Variants in UAP1 observed in about 807,000 individuals in gnomAD.
The protein encoded by UAP1 is UDP-N-acetylglucosamine pyrophosphorylase 1, also known as UDP-N-acetylhexosamine pyrophosphorylase.
Under a neutral mutation model 58.5 loss-of-function variants are expected in UAP1, and 25 were observed. That is an observed-to-expected ratio of 0.43 (90% CI 0.31 to 0.60). The LOEUF is 0.60. UAP1 is among the 20% of genes least tolerant of loss of function. UAP1 has a pLI of 0.11. For missense variants in UAP1, 575 were observed against 630.0 expected, an observed-to-expected ratio of 0.91 and a Z score of 0.93; for synonymous variants, 208 against 213.0, an observed-to-expected ratio of 0.98 and a Z score of 0.21.
chr1:162,587,565 C>G, exon 6 of UAP1: 1 of 1,614,162 alleles, frequency 6.2e-7, no homozygotes, highest in Non-Finnish European at 8.5e-7. Context: ...TGAGATTTCC[C>G]TGGCAACAGC....
At chr1:162,579,448 G>A in exon 4 of UAP1, 1 of 1,587,736 alleles carries the variant, frequency 6.3e-7, no homozygotes, top group Non-Finnish European at 8.6e-7. Flanking sequence ...ACCAGTGGCA[G>A]AACAATGGAA....
chr1:162,587,568 G>T, exon 6 of UAP1: 2 of 1,614,112 alleles, frequency 1.2e-6, no homozygotes, highest in Non-Finnish European at 1.7e-6. Flanking sequence ...GATTTCCCTG[G>T]CAACAGCTCA....
At chr1:162,598,466 T>G (rs1329118895) in intron 10 of UAP1, among the ~76,000 whole-genome samples, 1 of 152,218 alleles carries the variant, frequency 6.6e-6, no homozygotes, top group Non-Finnish European at 1.5e-5. Context: ...CTAGTCCATT[T>G]CACCTACTCA....
Position 162,582,987 on chromosome 1 carries a change from T to G in UAP1, c.834+1528T>G, listed in dbSNP as rs201510252. On this transcript the variant is annotated intron_variant, in intron 5 of 10. Transcript: ENST00000271469. ...TCTGTGAGTATCTGAACTGTATTTT[T>G]TTTTTTTTTAGCCACAGACTCACTA... 2.0e-3 allele frequency among the ~76,000 whole-genome samples: 301 copies of G among 152,076 alleles called. 6 individuals are homozygous for G. In the East Asian group the frequency reaches 0.049, roughly 25 times the overall value.
intron 2 of UAP1, among the ~76,000 whole-genome samples, chr1:162,569,798 C>A (rs934702541): frequency 3.3e-5 from 5 of 152,164 alleles, no homozygotes; most frequent in African/African-American, 1.2e-4. Flanking sequence ...TTAACATTAT[C>A]TCCTCTACAT....
At position 162,579,491 on chromosome 1, in the gene UAP1, C is replaced by G. The variant is rs777960082; in HGVS notation, c.549C>G (p.Tyr183Ter). 6.2e-6 allele frequency: 10 copies of G among 1,611,480 alleles called. No homozygotes were observed. Among genetic ancestry groups the G allele is most frequent in the African/African-American group, 4.0e-5 (3 of 74,806 alleles). The change falls in exon 4 of 11, where the codon TAC (tyrosine) becomes TAG (stop). Residue 183 changes from tyrosine to a stop codon, truncating the protein, a stop_gained. Coordinates refer to ENST00000271469, the Ensembl canonical transcript of UAP1. LOFTEE classifies it high-confidence loss of function. ...AGGAGTTCTTCACCAAGCACAAGTACTTTGGTTTAAAAAAAGAGAATGTAA... is the reference window on the plus strand; with the variant it reads ...AGGAGTTCTTCACCAAGCACAAGTAGTTTGGTTTAAAAAAAGAGAATGTAA...
At chr1:162,587,742 A>G (rs777742179) in intron 6 of UAP1, 74 bp downstream of exon 6, 2 of 1,403,982 alleles carry the variant, frequency 1.4e-6, no homozygotes, top group Non-Finnish European at 2.0e-6. Context: ...AGAGGGATGC[A>G]GACACCCCAA....
intron 2 of UAP1, among the ~76,000 whole-genome samples, chr1:162,573,292 T>G (rs1429847827): frequency 6.6e-6 from 1 of 151,918 alleles, no homozygotes; most frequent in Non-Finnish European, 1.5e-5. Flanking sequence ...CAGCACAACC[T>G]CTGGTGGCAG....
intron 5 of UAP1, among the ~76,000 whole-genome samples, chr1:162,584,127 A>G (rs1175229275): frequency 2.0e-5 from 3 of 152,360 alleles, no homozygotes; most frequent in Admixed American, 2.0e-4. Context: ...TTGTGAGTAC[A>G]CTAATCATGC....
At position 162,589,098 on chromosome 1, in the gene UAP1, AAT is replaced by A. The variant is rs996663446; in HGVS notation, c.1169+274_1169+275del. Among the ~76,000 whole-genome samples, 489 of 121,934 alleles carry A rather than the reference AAT, an allele frequency of 4.0e-3. 7 individuals carry two copies. The highest frequency in any genetic ancestry group is 0.015 in the African/African-American group (462 of 31,236). 80.0% of individuals were successfully genotyped at this position (121,934 alleles called of 152,430 possible). A position where few individuals can be genotyped will look rare whatever the true frequency, so the allele number is the denominator to read the frequency against. On this transcript the variant is annotated intron_variant, in intron 7 of 10. Transcript: ENST00000271469. ...TAAAGTTTTTTTCATATGTATATTA[AAT>A]ATATATATTATATATATATTTTATA...
At chr1:162,579,681 A>G in intron 4 of UAP1, 78 bp downstream of exon 4, 5 of 1,262,520 alleles carry the variant, frequency 4.0e-6, no homozygotes, top group Non-Finnish European at 5.3e-6. Flanking sequence ...TCTTTTTAAC[A>G]TGGTGATTTT....
At chr1:162,573,883 G>C (rs1188285669) in intron 2 of UAP1, among the ~76,000 whole-genome samples, 2 of 151,674 alleles carry the variant, frequency 1.3e-5, no homozygotes, top group East Asian at 3.9e-4. Flanking sequence ...AGGATCACTC[G>C]AACCCAGGAG....
Position 162,582,835 on chromosome 1 carries a change from C to T in UAP1, c.834+1376C>T, listed in dbSNP as rs1654673810. Among the ~76,000 whole-genome samples the T allele has an allele frequency of 2.0e-5, 3 of 152,204 alleles. No individual in the cohort carries two copies. In the South Asian group the frequency reaches 6.2e-4, roughly 32 times the overall value. On this transcript the variant is annotated intron_variant, in intron 5 of 10. Coordinates refer to ENST00000271469, the Ensembl canonical transcript of UAP1. ...TTTTATGCAAAGTCTCATTGGAAGC[C>T]GAAATCTTAAATTTACTGATACAAG...
chr1:162,594,964 G>A (rs1655533143), intron 9 of UAP1, among the ~76,000 whole-genome samples: 2 of 152,200 alleles, frequency 1.3e-5, no homozygotes, highest in South Asian at 2.1e-4. Context: ...TGAAAAGGAA[G>A]TATATTATGT....
intron 5 of UAP1, among the ~76,000 whole-genome samples, chr1:162,585,250 C>G (rs1654831793): frequency 7.6e-6 from 1 of 132,378 alleles, no homozygotes; most frequent in African/African-American, 2.7e-5. Flanking sequence ...TAAGTTTATA[C>G]TGTATATCTT....
At chr1:162,576,783 T>C in exon 3 of UAP1, 1 of 1,613,644 alleles carries the variant, frequency 6.2e-7, no homozygotes, top group Non-Finnish European at 8.5e-7. Context: ...CTAGGACTTT[T>C]CCAGATTTCT....
intron 9 of UAP1, among the ~76,000 whole-genome samples, chr1:162,594,992 A>G (rs1001364777): frequency 1.3e-5 from 2 of 152,224 alleles, no homozygotes; most frequent in Non-Finnish European, 2.9e-5. Context: ...GGAAGAAGCA[A>G]CTAGGAGGTA....
chr1:162,574,726 C>T (rs1654071636), intron 2 of UAP1, among the ~76,000 whole-genome samples: 1 of 152,096 alleles, frequency 6.6e-6, no homozygotes, highest in Non-Finnish European at 1.5e-5. Context: ...ACAAGCTACT[C>T]TGCCTTATGG....
Position 162,596,374 on chromosome 1 carries a change from C to T in UAP1, c.1410-1418C>T, listed in dbSNP as rs567982244. Among the ~76,000 whole-genome samples the T allele has an allele frequency of 2.6e-5, 4 of 152,144 alleles. No homozygotes were observed. The East Asian group carries it at 7.7e-4, about 29-fold the overall frequency. ...ATTTTTATTAGAGACAGGGTTTCAC[C>T]ATGTTAGCCAGGCTGGTCTCAAACT... is the stretch of plus-strand genomic sequence containing the variant. On this transcript the variant is annotated intron_variant, in intron 9 of 10. Coordinates refer to ENST00000271469, the Ensembl canonical transcript of UAP1.
Sources: gnomAD v4.1 joint callset for allele counts (sites outside exome capture counted in the v4.1 genomes callset) on GRCh38, gnomAD v4.1.1 for gene constraint, MANE v1.5 for transcripts, NCBI Gene and HGNC (gene_info 2026-07-23, HGNC 2026-07-21) for gene names.